The following RNF114 variants were observed in gnomAD, a reference collection of about 807,000 sequenced individuals.
RNF114 encodes the protein E3 ubiquitin-protein ligase RNF114.
In RNF114, 6 loss-of-function variants were observed where a neutral mutation model predicts 28.4. The ratio of observed to expected loss-of-function variants is 0.21; its 90% confidence interval spans 0.12 to 0.42. The LOEUF (loss-of-function observed/expected upper bound fraction) is 0.42, where lower values mean the gene tolerates loss of function less well. Among genes scored for constraint, RNF114 ranks in the 10% least tolerant of loss-of-function variants. The pLI is 1.00. For synonymous variants in RNF114, 115 were observed against 116.7 expected, an observed-to-expected ratio of 0.99 and a Z score of 0.09; for missense variants, 249 against 311.7, an observed-to-expected ratio of 0.80 and a Z score of 1.51.
chr20:49,940,264 C>T (rs2090302447), intron 1 of RNF114, among the ~76,000 whole-genome samples: 1 of 151,998 alleles, frequency 6.6e-6, no homozygotes, highest in Non-Finnish European at 1.5e-5. Context: ...ATAGTCTTCC[C>T]TTCCTCTGCT....
rs530743791 is a variant in RNF114 at position 49,947,893 on chromosome 20, G to A, written c.514-1355G>A. Among the ~76,000 whole-genome samples, 97 of 141,706 alleles carry A rather than the reference G, an allele frequency of 6.8e-4. 4 individuals carry two copies. In the Admixed American group the frequency reaches 7.2e-3, roughly 10 times the overall value. The allele number at this position is 141,706 out of a possible 152,430, so 93.0% of individuals were successfully genotyped here. ...TGCAAGCTCCGCCTCCCGGGTTCAC[G>A]CCATTCTCCTGCCTCAGCCTCCCGT... is the stretch of plus-strand genomic sequence containing the variant. On this transcript the variant is annotated intron_variant, in intron 4 of 5. Coordinates refer to ENST00000244061, the MANE Select transcript of RNF114 (RefSeq NM_018683.4).
At chr20:49,950,205 C>T (rs1007755548) in intron 5 of RNF114, among the ~76,000 whole-genome samples, 7 of 151,250 alleles carry the variant, frequency 4.6e-5, no homozygotes, top group Admixed American at 1.3e-4. Context: ...GAGCCAATAT[C>T]GTGCCACTGC....
Position 49,946,260 on chromosome 20 carries a change from C to CTCT in RNF114, c.513+11_513+12insCTT. On this transcript the variant is annotated intron_variant, in intron 4 of 5. Coordinates refer to ENST00000244061, the MANE Select transcript of RNF114 (RefSeq NM_018683.4). ...GGATACCAAATCTGTGGTGAGTAAC[C>CTCT]TTTTTTTTTTTTTTTAAACTTCATT... The CTCT allele has an allele frequency of 9.3e-7, 1 of 1,080,370 alleles. No individual in the cohort carries two copies. Among genetic ancestry groups the CTCT allele is most frequent in the Non-Finnish European group, 1.3e-6 (1 of 755,610 alleles). 66.9% of individuals were successfully genotyped at this position (1,080,370 alleles called of 1,614,324 possible).
intron 4 of RNF114, among the ~76,000 whole-genome samples, chr20:49,948,112 G>A (rs1046408060): frequency 2.6e-5 from 4 of 151,908 alleles, no homozygotes; most frequent in Non-Finnish European, 5.9e-5. Flanking sequence ...TTAACTCTGC[G>A]TTTCTCCCTT....
intron 5 of RNF114, among the ~76,000 whole-genome samples, 168 bp downstream of exon 5, chr20:49,949,523 AAAG>A (rs946380846): frequency 1.3e-5 from 2 of 152,160 alleles, no homozygotes; most frequent in African/African-American, 4.8e-5. Context: ...ACAAGAGAGA[AAAG>A]AAGACTGAGT....
chr20:49,949,115 C>G (rs1048299682), intron 4 of RNF114, 133 bp from the exon 5 acceptor site: 3 of 676,050 alleles, frequency 4.4e-6, no homozygotes. Flanking sequence ...CTGATGTGCA[C>G]AGGAAGGAGT....
At chr20:49,946,032 C>T (rs1347120023) in intron 3 of RNF114, 104 bp from the exon 4 acceptor site, 3 of 583,492 alleles carry the variant, frequency 5.1e-6, no homozygotes, top group South Asian at 2.3e-5. Context: ...CTTATCATTA[C>T]ACATTTGGTG....
intron 1 of RNF114, among the ~76,000 whole-genome samples, chr20:49,937,106 A>G (rs1171347518): frequency 6.6e-6 from 1 of 152,184 alleles, no homozygotes; most frequent in Non-Finnish European, 1.5e-5. Context: ...TTAGCATTCT[A>G]CTTCCTGTGT....
chr20:49,937,460 T>A (rs928747432), intron 1 of RNF114, among the ~76,000 whole-genome samples: 4 of 152,136 alleles, frequency 2.6e-5, no homozygotes, highest in African/African-American at 9.7e-5. Flanking sequence ...TGGGCATTAT[T>A]CTATAGCCAC....
intron 5 of RNF114, 89 bp from the exon 6 acceptor site, chr20:49,951,987 C>CCAGTTGCTAGGCTGTCCTGCTTCGGATA: frequency 3.6e-6 from 4 of 1,099,292 alleles, no homozygotes; most frequent in Non-Finnish European, 5.6e-6. Flanking sequence ...TGCTCCGGAT[C>CCAGTTGCTAGGCTGTCCTGCTTCGGATA]CAGTTGCTAG....
Position 49,952,513 on chromosome 20 carries a change from C to G in RNF114, c.*372C>G. 1 of 429,510 alleles carries G rather than the reference C, an allele frequency of 2.3e-6. No individual in the cohort carries two copies. The highest frequency in any genetic ancestry group is 4.2e-6 in the Non-Finnish European group (1 of 239,908). 26.6% of individuals were successfully genotyped at this position (429,510 alleles called of 1,614,324 possible). ...TCGGGTCCTTCAAGCCAGCCAGGAC[C>G]TTTTCTGGGTCATGAATAGCACAAT... is the stretch of plus-strand genomic sequence containing the variant. On this transcript the variant is annotated 3_prime_UTR_variant, in exon 6 of 6. Transcript: ENST00000244061.
At chr20:49,951,663 A>G (rs2090355716) in intron 5 of RNF114, among the ~76,000 whole-genome samples, 1 of 152,202 alleles carries the variant, frequency 6.6e-6, no homozygotes, top group Non-Finnish European at 1.5e-5. Flanking sequence ...GTGGATCACG[A>G]GGTCAAGAGA....
intron 2 of RNF114, among the ~76,000 whole-genome samples, chr20:49,942,827 GA>G (rs1217241726): frequency 6.6e-6 from 1 of 151,038 alleles, no homozygotes; most frequent in Non-Finnish European, 1.5e-5. Context: ...CTGTCTCAAG[GA>G]AAAAAAAAGT....
chr20:49,949,268 G>C lies in RNF114; in HGVS notation c.534G>C (p.Ser178=). The C allele has an allele frequency of 6.2e-7, 1 of 1,614,146 alleles. No individual in the cohort carries two copies. Among genetic ancestry groups the C allele is most frequent in the Non-Finnish European group, 8.5e-7 (1 of 1,179,980 alleles). The change falls in exon 5 of 6, where the codon TCG becomes TCC. Residue 178 remains serine, a synonymous_variant. Coordinates refer to ENST00000244061, the MANE Select transcript of RNF114 (RefSeq NM_018683.4). ...TKSVVCPICA[S]MPWGDPNYRS... is the part of the protein sequence containing the mutation. ...GAAAGGTTTGTCCGATATGTGCCTC[G>C]ATGCCCTGGGGAGACCCCAACTACC...
chr20:49,951,586 A>G (rs954902020), intron 5 of RNF114, among the ~76,000 whole-genome samples: 2 of 152,210 alleles, frequency 1.3e-5, no homozygotes, highest in African/African-American at 4.8e-5. Context: ...TTCATTTAAG[A>G]ATCAGGCAGC....
intron 5 of RNF114, 30 bp downstream of exon 5, chr20:49,949,385 C>T (rs1386806529): frequency 1.3e-6 from 2 of 1,572,358 alleles, no homozygotes; most frequent in Admixed American, 3.3e-5. Flanking sequence ...TCTGATCCCT[C>T]CCCTGGGGGA....
intron 5 of RNF114, 93 bp from the exon 6 acceptor site, chr20:49,951,983 G>A (rs1222411595): frequency 2.8e-5 from 30 of 1,067,962 alleles, no homozygotes; most frequent in Admixed American, 3.5e-5. Context: ...AACCTGCTCC[G>A]GATCCAGTTG....
intron 4 of RNF114, among the ~76,000 whole-genome samples, chr20:49,948,802 C>T (rs1157631419): frequency 1.3e-5 from 2 of 152,178 alleles, no homozygotes; most frequent in African/African-American, 4.8e-5. Flanking sequence ...ACCAAATCAA[C>T]CTTTTGTGTG....
At chr20:49,937,973 A>G (rs2090294180) in intron 1 of RNF114, among the ~76,000 whole-genome samples, 1 of 152,186 alleles carries the variant, frequency 6.6e-6, no homozygotes, top group South Asian at 2.1e-4. Context: ...GACTGGTCAA[A>G]CTATTGTAAA....
Sources: gnomAD v4.1 joint callset for allele counts (sites outside exome capture counted in the v4.1 genomes callset) on GRCh38, gnomAD v4.1.1 for gene constraint, MANE v1.5 for transcripts, NCBI Gene and HGNC (gene_info 2026-07-23, HGNC 2026-07-21) for gene names.